Variants in ACTN4 observed in about 807,000 individuals in gnomAD.
ACTN4 encodes actinin alpha 4, also known as alpha-actinin-4.
ACTN4 carries 18 observed loss-of-function variants against 114.2 expected under a neutral mutation model. That is an observed-to-expected ratio of 0.16 (90% CI 0.11 to 0.23). ACTN4 has a LOEUF of 0.23. Among genes scored for constraint, ACTN4 ranks in the 10% least tolerant of loss-of-function variants. The probability of loss-of-function intolerance (pLI) is 1.00; values close to 1 mark genes in which losing one functional copy is unlikely to be tolerated. For missense variants in ACTN4, 722 were observed against 1,262.9 expected, an observed-to-expected ratio of 0.57 and a Z score of 6.49; for synonymous variants, 515 against 506.3, an observed-to-expected ratio of 1.02 and a Z score of -0.23.
rs1969146466 is a variant in ACTN4, at chr19:38,724,122, GC to G, written c.1693-34del. ...CCATCTTCCCAAGAGCCTCTGTGGG[GC>G]TGGGCCGCCCCCTCACTCCAGCTCC... On this transcript the variant is annotated intron_variant, in intron 14 of 20. Coordinates refer to ENST00000252699, the MANE Select transcript of ACTN4 (RefSeq NM_004924.6). The surrounding 1 kb of genome is among the most constrained non-coding windows in gnomAD (Gnocchi z 7.0). The G allele has an allele frequency of 6.2e-7, 1 of 1,613,494 alleles. No homozygotes were observed. Among genetic ancestry groups the G allele is most frequent in the Non-Finnish European group, 8.5e-7 (1 of 1,180,004 alleles).
chr19:38,657,926 T>A (rs1204597803), intron 1 of ACTN4, among the ~76,000 whole-genome samples: 1 of 152,196 alleles, frequency 6.6e-6, no homozygotes, highest in Non-Finnish European at 1.5e-5. Context: ...TATTCTATGA[T>A]CAATCTCCAT....
At chr19:38,653,941 A>G (rs1421650669) in intron 1 of ACTN4, among the ~76,000 whole-genome samples, 1 of 152,212 alleles carries the variant, frequency 6.6e-6, no homozygotes, top group African/African-American at 2.4e-5. Flanking sequence ...ATCACTGGGT[A>G]GTTTGAGAGC....
chr19:38,711,240 C>G lies in ACTN4; in HGVS notation c.819+898C>G, dbSNP rs375758597. ...CCCTCCCTGCGTCTTTCACTCTCTC[C>G]TGCCTCTCTCTCTCTTTCTCTCTCT... On this transcript the variant is annotated intron_variant, in intron 8 of 20. Transcript: ENST00000252699. The G allele has an allele frequency of 6.5e-4, 634 of 970,052 alleles. 12 individuals carry two copies. In the South Asian group the frequency reaches 0.02, roughly 31 times the overall value. 60.1% of individuals were successfully genotyped at this position (970,052 alleles called of 1,614,324 possible).
At chr19:38,721,164 C>T (rs2145079384) in intron 11 of ACTN4, among the ~76,000 whole-genome samples, 1 of 152,302 alleles carries the variant, frequency 6.6e-6, no homozygotes, top group Admixed American at 6.5e-5. Flanking sequence ...TGGGCTTTGA[C>T]CCCGGGTGCT....
intron 1 of ACTN4, among the ~76,000 whole-genome samples, chr19:38,658,146 TC>T (rs1395608486): frequency 6.6e-6 from 1 of 152,158 alleles, no homozygotes; most frequent in African/African-American, 2.4e-5. Context: ...CCCTCTGTCC[TC>T]GGGGCAGGAG....
At chr19:38,648,569 T>G (rs1976459494) in intron 1 of ACTN4, among the ~76,000 whole-genome samples, 2 of 148,652 alleles carry the variant, frequency 1.3e-5, no homozygotes, top group East Asian at 4.0e-4. Flanking sequence ...GGGCTTAGGG[T>G]GTGAGGAGGG....
chr19:38,652,156 AAC>A (rs919534467), intron 1 of ACTN4, among the ~76,000 whole-genome samples: 2 of 152,152 alleles, frequency 1.3e-5, no homozygotes, highest in Non-Finnish European at 2.9e-5. Flanking sequence ...GGCTAGGACT[AAC>A]AGTTTTCAAA....
intron 1 of ACTN4, among the ~76,000 whole-genome samples, chr19:38,673,089 T>G (rs533693007): frequency 6.6e-6 from 1 of 151,552 alleles, no homozygotes; most frequent in Admixed American, 6.6e-5. Context: ...ATTACATGCA[T>G]GCACCACCAT....
intron 1 of ACTN4, among the ~76,000 whole-genome samples, chr19:38,690,966 T>A (rs1371884200): frequency 6.6e-6 from 1 of 152,200 alleles, no homozygotes; most frequent in Non-Finnish European, 1.5e-5. Flanking sequence ...CTCCTAGATT[T>A]GTTGAGTACC....
At chr19:38,712,317 G>A (rs1262845197) in intron 8 of ACTN4, among the ~76,000 whole-genome samples, 5 of 152,216 alleles carry the variant, frequency 3.3e-5, no homozygotes, top group Admixed American at 6.5e-5. Flanking sequence ...CCTACCGTCA[G>A]TCTGGCCTGG....
At chr19:38,712,419 T>A (rs1381816973) in intron 8 of ACTN4, among the ~76,000 whole-genome samples, 1 of 152,132 alleles carries the variant, frequency 6.6e-6, no homozygotes, top group Non-Finnish European at 1.5e-5. Flanking sequence ...TGTAGTTCGG[T>A]CTCACAGGAT....
chr19:38,688,542 G>T (rs1391569440), intron 1 of ACTN4, among the ~76,000 whole-genome samples: 3 of 152,054 alleles, frequency 2.0e-5, no homozygotes, highest in African/African-American at 7.2e-5. Context: ...TTGCACTCCA[G>T]CCTGGGCAAC....
intron 6 of ACTN4, among the ~76,000 whole-genome samples, chr19:38,708,804 G>A (rs527291887): frequency 8.5e-5 from 13 of 152,344 alleles, no homozygotes; most frequent in Non-Finnish European, 1.3e-4. Flanking sequence ...GAAAGGTCCC[G>A]GAAGAAGAGG....
At position 38,724,384 on chromosome 19, in the gene ACTN4, TG is replaced by T. The variant is rs1187710513; in HGVS notation, c.1876-42del. On this transcript the variant is annotated intron_variant, in intron 15 of 20. Coordinates refer to ENST00000252699, the MANE Select transcript of ACTN4 (RefSeq NM_004924.6). This position sits in a 1 kb window ranked among gnomAD's most constrained non-coding sequence, Gnocchi z 7.0. The stretch of plus-strand genomic sequence containing the variant: ...AGGGGCTGGGGCAGGACGGCGGGGC[TG>T]GGGGCCACCTCCCTGACCGCTCCCA... The T allele has an allele frequency of 2.5e-6, 4 of 1,611,682 alleles. No homozygotes were observed. The South Asian group carries it at 4.4e-5, about 18-fold the overall frequency.
At chr19:38,660,478 C>T (rs973489459) in intron 1 of ACTN4, among the ~76,000 whole-genome samples, 1 of 152,060 alleles carries the variant, frequency 6.6e-6, no homozygotes, top group Non-Finnish European at 1.5e-5. Flanking sequence ...TCACTGCAAC[C>T]TCCGTCTCCT....
At position 38,730,952 on chromosome 19, in the gene ACTN4, CCACCTGGCT is replaced by C. The variant is rs1969541030; in HGVS notation, c.*1527_*1535del. The C allele has an allele frequency of 6.4e-7, 1 of 1,550,450 alleles. No homozygotes were observed. Among genetic ancestry groups the C allele is most frequent in the African/African-American group, 1.4e-5 (1 of 73,044 alleles). On this transcript the variant is annotated 3_prime_UTR_variant, in exon 21 of 21. Coordinates refer to ENST00000252699, the MANE Select transcript of ACTN4 (RefSeq NM_004924.6). ...CAGAGCCTGAGCCACCCTGTCCCTC[CCACCTGGCT>C]CACCTGTCTGTGGGTCAGGCAGATG...
At chr19:38,710,437 C>G (rs919176572) in intron 8 of ACTN4, 95 bp downstream of exon 8, 1 of 1,348,662 alleles carries the variant, frequency 7.4e-7, no homozygotes, top group Non-Finnish European at 1.0e-6. Flanking sequence ...CTCTTGCAGA[C>G]GGCAGTGGCC....
intron 1 of ACTN4, among the ~76,000 whole-genome samples, chr19:38,675,013 C>T (rs1335927783): frequency 6.6e-6 from 1 of 152,200 alleles, no homozygotes; most frequent in African/African-American, 2.4e-5. Flanking sequence ...GCTGTCTAAA[C>T]AGCCGTGTGG....
intron 1 of ACTN4, among the ~76,000 whole-genome samples, chr19:38,694,198 TCTGC>T (rs1407511516): frequency 6.6e-6 from 1 of 151,422 alleles, no homozygotes; most frequent in Admixed American, 6.6e-5. Flanking sequence ...GGGGCGTTGC[TCTGC>T]CTGCCTGCCT....
Sources: gnomAD v4.1 joint callset for allele counts (sites outside exome capture counted in the v4.1 genomes callset) on GRCh38, gnomAD v4.1.1 for gene constraint, Gnocchi (gnomAD v3.1) non-coding constraint, MANE v1.5 for transcripts, NCBI Gene and HGNC (gene_info 2026-07-23, HGNC 2026-07-21) for gene names.